The following SV2C variants were observed in gnomAD, a reference collection of about 807,000 sequenced individuals.
SV2C encodes synaptic vesicle glycoprotein 2C.
A neutral mutation model predicts 79.7 loss-of-function variants in SV2C; 49 were observed. The observed-to-expected ratio is 0.61, with a 90% CI of 0.49 to 0.78. The LOEUF is 0.78. Ranked by LOEUF, SV2C falls within the 30% of genes least tolerant of loss-of-function variation. The pLI is 0.00. For missense variants in SV2C, 833 were observed against 912.9 expected, an observed-to-expected ratio of 0.91 and a Z score of 1.13; for synonymous variants, 334 against 333.2, an observed-to-expected ratio of 1.00 and a Z score of -0.03.
At chr5:76,105,693 A>C (rs1310613090) in intron 1 of SV2C, among the ~76,000 whole-genome samples, 4 of 152,062 alleles carry the variant, frequency 2.6e-5, no homozygotes, top group African/African-American at 7.2e-5. Flanking sequence ...ATTTACATTA[A>C]ATTATCTGCG....
the SV2C span, among the ~76,000 whole-genome samples, chr5:75,986,661 G>T: frequency 1.3e-5 from 2 of 151,928 alleles, no homozygotes; most frequent in East Asian, 3.9e-4. Context: ...CTTAGTTTTA[G>T]GACAGTCTTC....
At chr5:75,916,396 C>T in the SV2C span, among the ~76,000 whole-genome samples, 3 of 136,142 alleles carry the variant, frequency 2.2e-5, no homozygotes, top group Non-Finnish European at 4.8e-5. Context: ...TTCCCCTTCC[C>T]CTTCCTCCTC....
intron 4 of SV2C, among the ~76,000 whole-genome samples, chr5:76,246,098 C>T (rs1745940235): frequency 6.6e-6 from 1 of 151,992 alleles, no homozygotes; most frequent in Non-Finnish European, 1.5e-5. Context: ...ATGTCAAGTT[C>T]CTAGCCCTGT....
the SV2C span, among the ~76,000 whole-genome samples, chr5:75,881,086 C>G: frequency 6.6e-6 from 1 of 152,104 alleles, no homozygotes; most frequent in Non-Finnish European, 1.5e-5. Flanking sequence ...AGAGCAAGTA[C>G]TCTCAACACC....
chr5:76,018,148 AGCCATC>A, the SV2C span, among the ~76,000 whole-genome samples: 1 of 152,192 alleles, frequency 6.6e-6, no homozygotes, highest in African/African-American at 2.4e-5. Flanking sequence ...CTCTTTCTTC[AGCCATC>A]CCCATGATTC....
chr5:76,106,707 C>T (rs61493181), intron 1 of SV2C, among the ~76,000 whole-genome samples: 9,826 of 152,204 alleles, frequency 0.065, 940 homozygotes, highest in African/African-American at 0.21. Context: ...CTCTTTCCTT[C>T]TTTAAGTCAT....
At chr5:76,276,204 G>C (rs568251605) in intron 4 of SV2C, among the ~76,000 whole-genome samples, 1 of 152,302 alleles carries the variant, frequency 6.6e-6, no homozygotes, top group Admixed American at 6.5e-5. Flanking sequence ...GAGTAGTGAT[G>C]GTTGTCAGTG....
At chr5:76,121,360 C>A (rs910227149) in intron 1 of SV2C, among the ~76,000 whole-genome samples, 6 of 151,796 alleles carry the variant, frequency 4.0e-5, no homozygotes, top group Non-Finnish European at 8.8e-5. Flanking sequence ...TGTGCAGAAG[C>A]TCTTTAGTTT....
the SV2C span, among the ~76,000 whole-genome samples, chr5:75,872,370 C>T: frequency 2.4e-4 from 37 of 152,098 alleles, no homozygotes; most frequent in African/African-American, 8.7e-4. Flanking sequence ...AATTTAAACT[C>T]CAATTTGGTT....
chr5:76,073,535 AT>A, the SV2C span, among the ~76,000 whole-genome samples: 7 of 134,808 alleles, frequency 5.2e-5, no homozygotes, highest in African/African-American at 2.0e-4. Flanking sequence ...ATATATATAT[AT>A]ATATATATAC....
chr5:76,085,826 TACACACACACACAC>T (rs34074817), intron 1 of SV2C, among the ~76,000 whole-genome samples: 1 of 141,866 alleles, frequency 7.0e-6, no homozygotes, highest in Non-Finnish European at 1.5e-5. Flanking sequence ...ACAAAGCCCC[TACACACACACACAC>T]ACACACACAC....
intron 1 of SV2C, among the ~76,000 whole-genome samples, chr5:76,106,480 A>G (rs1435689531): frequency 1.3e-5 from 2 of 152,170 alleles, no homozygotes; most frequent in Admixed American, 1.3e-4. Flanking sequence ...ACTCACAGTA[A>G]AAGCCGAAGT....
At chr5:76,202,031 A>G (rs1744463201) in intron 3 of SV2C, among the ~76,000 whole-genome samples, 3 of 151,122 alleles carry the variant, frequency 2.0e-5, no homozygotes, top group Non-Finnish European at 3.0e-5. Context: ...AAAAAAAAAA[A>G]AAAAAGAAAG....
chr5:76,337,819 G>A (rs540483484), downstream of SV2C, among the ~76,000 whole-genome samples: 1 of 152,282 alleles, frequency 6.6e-6, no homozygotes. Flanking sequence ...AATTCCAGAT[G>A]AGAATGTGCT....
chr5:76,199,683 C>A (rs1043300489), intron 3 of SV2C, among the ~76,000 whole-genome samples: 4 of 152,198 alleles, frequency 2.6e-5, no homozygotes, highest in African/African-American at 9.7e-5. Flanking sequence ...CAAGCAGCAA[C>A]CAGCATAGTC....
chr5:75,912,683 G>A, the SV2C span, among the ~76,000 whole-genome samples: 1 of 152,044 alleles, frequency 6.6e-6, no homozygotes, highest in Non-Finnish European at 1.5e-5. Flanking sequence ...GAGGGTGGGG[G>A]CCCTTACATG....
At chr5:75,875,318 C>T in the SV2C span, among the ~76,000 whole-genome samples, 1 of 152,134 alleles carries the variant, frequency 6.6e-6, no homozygotes, top group Non-Finnish European at 1.5e-5. Flanking sequence ...CTGACAAAAA[C>T]AAGCAATGGG....
At chr5:76,030,897 A>C in the SV2C span, among the ~76,000 whole-genome samples, 1 of 152,236 alleles carries the variant, frequency 6.6e-6, no homozygotes, top group African/African-American at 2.4e-5. Flanking sequence ...AATACCTAAC[A>C]ATAGTTAATA....
At chr5:75,892,783 G>A in the SV2C span, among the ~76,000 whole-genome samples, 322 of 151,820 alleles carry the variant, frequency 2.1e-3, 2 homozygotes, top group African/African-American at 5.8e-3. Context: ...TTATGGGTGC[G>A]TTGTATTCCA....
Sources: gnomAD v4.1 joint callset for allele counts (sites outside exome capture counted in the v4.1 genomes callset) on GRCh38, gnomAD v4.1.1 for gene constraint, MANE v1.5 for transcripts, NCBI Gene and HGNC (gene_info 2026-07-23, HGNC 2026-07-21) for gene names.